The following SH3BP5 variants were observed in gnomAD, a reference collection of about 807,000 sequenced individuals.
SH3BP5 encodes the protein SH3 domain-binding protein 5.
In SH3BP5, 22 loss-of-function variants were observed where a neutral mutation model predicts 43.3. That is an observed-to-expected ratio of 0.51 (90% confidence interval 0.36 to 0.73). The LOEUF (loss-of-function observed/expected upper bound fraction) is 0.73. Among genes scored for constraint, SH3BP5 ranks in the 30% least tolerant of loss-of-function variants. SH3BP5 has a pLI of 0.00. For missense variants in SH3BP5, 529 were observed against 586.9 expected (o/e 0.90, Z 1.02); for synonymous variants, 255 against 225.8 (o/e 1.13, Z -1.16).
chr3:15,329,323 A>G (rs1265387252), intron 2 of SH3BP5, among the ~76,000 whole-genome samples: 2 of 152,200 alleles, frequency 1.3e-5, no homozygotes, highest in Non-Finnish European at 2.9e-5. Context: ...TGTTTAATGC[A>G]TTAGAAATCT....
At chr3:15,304,410 C>CG in intron 2 of SH3BP5, 179 bp from the exon 3 acceptor site, 1 of 935,770 alleles carries the variant, frequency 1.1e-6, no homozygotes, top group Non-Finnish European at 1.7e-6. Context: ...CCTGCCACGG[C>CG]GGAAACGTCC....
In SH3BP5 at chr3:15,262,191, C is replaced by T. The variant is rs774017771; in HGVS notation, c.594G>A (p.Glu198=). 2.5e-6 allele frequency: 4 copies of T among 1,614,050 alleles called. No individual in the cohort carries two copies. The African/African-American group carries it at 5.3e-5, about 22-fold the overall frequency. Residue 198 remains glutamate (E), a synonymous_variant, in exon 5 of 9, where the codon GAG becomes GAA. Transcript: ENST00000383791. ...NAAMGRMRQL[E]KKLKRAINKS... ...TGTTGATGGCTCTCTTGAGTTTCTTCTCCAGCTGTCGCATGCGGCCCATGG... is the reference window on the plus strand; with the variant it reads ...TGTTGATGGCTCTCTTGAGTTTCTTTTCCAGCTGTCGCATGCGGCCCATGG...
At chr3:15,264,388 C>T (rs8385) in intron 4 of SH3BP5, 61,455 of 151,712 alleles carry the variant, frequency 0.41, 16,732 homozygotes, top group African/African-American at 0.77. Context: ...CATTGAGGCA[C>T]TCTTGGTTTT....
At chr3:15,259,459 G>C (rs773296175) in intron 6 of SH3BP5, 14 of 537,654 alleles carry the variant, frequency 2.6e-5, no homozygotes, top group Non-Finnish European at 4.3e-5. Flanking sequence ...TAATTCAGTC[G>C]GTCTAGAGTG....
At chr3:15,256,578 A>G (rs1005779673) in intron 8 of SH3BP5, 1 of 593,002 alleles carries the variant, frequency 1.7e-6, no homozygotes, top group African/African-American at 1.9e-5. Flanking sequence ...TTTATTGCTG[A>G]GAAACAAACC....
At chr3:15,265,568 A>G (rs1696616683) in intron 4 of SH3BP5, among the ~76,000 whole-genome samples, 1 of 141,646 alleles carries the variant, frequency 7.1e-6, no homozygotes, top group South Asian at 2.3e-4. Flanking sequence ...ACAACCCTCC[A>G]GCTCCTGGAA....
At position 15,256,187 on chromosome 3, in the gene SH3BP5, C is replaced by T. The variant is rs369340035; in HGVS notation, c.1267G>A (p.Glu423Lys). ...SSKSQSSTSP[E>K]GQALENRMKQ... ...ATCCGGTTCTCCAAGGCCTGGCCCT[C>T]AGGGGAGGTGCTGCTTTGGCTCTTA... Residue 423 changes from glutamate (E) to lysine (K), a missense_variant, in exon 9 of 9, where the codon GAG becomes AAG. By Grantham distance (56) the Glu-to-Lys change is moderately conservative. This residue lies in a region of SH3BP5 where 369 missense variants were observed against 384.3 expected (regional missense o/e 0.96). Coordinates refer to ENST00000383791, the MANE Select transcript of SH3BP5 (RefSeq NM_004844.5). 39 of 1,614,086 alleles carry T rather than the reference C, an allele frequency of 2.4e-5. No individual in the cohort carries two copies. Among genetic ancestry groups the T allele is most frequent in the Middle Eastern group, 3.3e-4 (2 of 6,084 alleles).
At chr3:15,261,546 T>A (rs1365644605) in intron 5 of SH3BP5, among the ~76,000 whole-genome samples, 1 of 152,190 alleles carries the variant, frequency 6.6e-6, no homozygotes, top group Non-Finnish European at 1.5e-5. Flanking sequence ...CTGTTAAGTC[T>A]AGGTCATCAT....
intron 3 of SH3BP5, among the ~76,000 whole-genome samples, chr3:15,287,189 G>A (rs1017657525): frequency 6.6e-6 from 1 of 152,286 alleles, no homozygotes; most frequent in Admixed American, 6.5e-5. Context: ...AAGCAGTACA[G>A]AGTGTCAGCT....
At chr3:15,334,282 T>C (rs963382825), upstream of SH3BP5, among the ~76,000 whole-genome samples, 3 of 152,252 alleles carry the variant, frequency 2.0e-5, no homozygotes, top group East Asian at 5.8e-4. Context: ...ATAGTCTTTC[T>C]AAAGATAAAA....
rs549432135 is a variant in SH3BP5, at chr3:15,278,317, G to T, written c.331-8440C>A. On this transcript the variant is annotated intron_variant, in intron 3 of 8. Transcript: ENST00000383791. ...AAAACATGGTCAATAACCCCTGGGG[G>T]GTCTCAGTGAGGGAGGGATGGGCAG... is the stretch of plus-strand genomic sequence containing the variant. 4.6e-5 allele frequency among the ~76,000 whole-genome samples: 7 copies of T among 152,336 alleles called. No individual in the cohort carries two copies. The South Asian group carries it at 1.0e-3, about 23-fold the overall frequency.
At chr3:15,283,479 C>A (rs943679669) in intron 3 of SH3BP5, among the ~76,000 whole-genome samples, 2 of 152,196 alleles carry the variant, frequency 1.3e-5, no homozygotes, top group Non-Finnish European at 2.9e-5. Context: ...GACAGGTTTA[C>A]AAGGCTGAGC....
chr3:15,301,739 C>A (rs1697759633), intron 3 of SH3BP5, among the ~76,000 whole-genome samples: 1 of 152,022 alleles, frequency 6.6e-6, no homozygotes, highest in Non-Finnish European at 1.5e-5. Context: ...GTCCAAAGAC[C>A]TGAGGCAGGA....
chr3:15,274,255 A>AAAG (rs1696898638), intron 3 of SH3BP5, among the ~76,000 whole-genome samples: 1 of 151,058 alleles, frequency 6.6e-6, no homozygotes, highest in Non-Finnish European at 1.5e-5. Context: ...CAACAAAAAA[A>AAAG]AAAGAAAGAA....
intron 3 of SH3BP5, among the ~76,000 whole-genome samples, chr3:15,290,543 A>AG (rs1697385798): frequency 6.7e-6 from 1 of 149,452 alleles, no homozygotes. Context: ...AAAAAAAAAA[A>AG]AAAAAATTAG....
At chr3:15,291,490 A>C (rs1697412048) in intron 3 of SH3BP5, among the ~76,000 whole-genome samples, 1 of 152,202 alleles carries the variant, frequency 6.6e-6, no homozygotes, top group Non-Finnish European at 1.5e-5. Context: ...GGCATAGAAC[A>C]AATTTATACC....
chr3:15,256,479 G>C, intron 8 of SH3BP5, 176 bp from the exon 9 acceptor site: 1 of 676,486 alleles, frequency 1.5e-6, no homozygotes, highest in Non-Finnish European at 2.6e-6. Context: ...CTATCAGAGA[G>C]GTTCTCAGTA....
exon 1 of SH3BP5, chr3:15,341,304 C>T (rs1034015753): frequency 4.6e-5 from 7 of 152,554 alleles, no homozygotes; most frequent in African/African-American, 1.7e-4. Flanking sequence ...CAGGGCACGG[C>T]TGCCTGACTC....
chr3:15,280,577 G>A (rs959276231), intron 3 of SH3BP5, among the ~76,000 whole-genome samples: 3 of 152,052 alleles, frequency 2.0e-5, no homozygotes, highest in Non-Finnish European at 4.4e-5. Flanking sequence ...TATTCTATCA[G>A]CCCCAATCCA....
Sources: gnomAD v4.1 joint callset for allele counts (sites outside exome capture counted in the v4.1 genomes callset) on GRCh38, gnomAD v4.1.1 for gene constraint, gnomAD v4.1.1 regional missense constraint, MANE v1.5 for transcripts, NCBI Gene and HGNC (gene_info 2026-07-23, HGNC 2026-07-21) for gene names.